The following SPAG16 variants were observed in gnomAD, a reference collection of about 807,000 sequenced individuals.
SPAG16 encodes sperm associated antigen 16.
SPAG16 carries 86 observed loss-of-function variants against 80.4 expected under a neutral mutation model. That is an observed-to-expected ratio of 1.07 (90% confidence interval 0.90 to 1.28). SPAG16 has a LOEUF of 1.28. SPAG16 is among the 50% of genes most tolerant of loss of function. SPAG16 has a pLI of 0.00. For synonymous variants in SPAG16, 294 were observed against 265.9 expected, an observed-to-expected ratio of 1.11 and a Z score of -1.03; for missense variants, 870 against 765.3, an observed-to-expected ratio of 1.14 and a Z score of -1.61.
At chr2:214,335,482 A>G (rs1034366283) in intron 15 of SPAG16, among the ~76,000 whole-genome samples, 5 of 151,504 alleles carry the variant, frequency 3.3e-5, no homozygotes, top group African/African-American at 1.2e-4. Context: ...ATATATATAT[A>G]TAGATATATA....
At chr2:213,605,346 A>G (rs1420420644) in intron 10 of SPAG16, among the ~76,000 whole-genome samples, 4 of 149,814 alleles carry the variant, frequency 2.7e-5, no homozygotes, top group Non-Finnish European at 5.9e-5. Context: ...AGCTCACTGC[A>G]GGCTCTGCCT....
At chr2:213,950,451 T>C (rs1409525182) in intron 12 of SPAG16, among the ~76,000 whole-genome samples, 1 of 152,004 alleles carries the variant, frequency 6.6e-6, no homozygotes, top group East Asian at 1.9e-4. Context: ...CTTCTTTGAT[T>C]GTTTCAGTTG....
chr2:213,388,810 A>G (rs1212518567), intron 9 of SPAG16, among the ~76,000 whole-genome samples: 4 of 152,242 alleles, frequency 2.6e-5, no homozygotes, highest in Admixed American at 2.0e-4. Flanking sequence ...AAGCTAAAAA[A>G]CATTGCTGAG....
intron 10 of SPAG16, among the ~76,000 whole-genome samples, chr2:213,646,397 T>C (rs1431939215): frequency 6.6e-6 from 1 of 152,146 alleles, no homozygotes; most frequent in Non-Finnish European, 1.5e-5. Flanking sequence ...CAACAATATA[T>C]AAATAAATGC....
intron 10 of SPAG16, among the ~76,000 whole-genome samples, chr2:213,804,359 A>ATCCTT: frequency 6.6e-6 from 1 of 152,300 alleles, no homozygotes; most frequent in South Asian, 2.1e-4. Context: ...AAGGATGGGC[A>ATCCTT]AGGGGTAAGT....
intron 5 of SPAG16, among the ~76,000 whole-genome samples, chr2:213,333,525 A>T (rs1289558535): frequency 6.6e-6 from 1 of 152,222 alleles, no homozygotes; most frequent in Non-Finnish European, 1.5e-5. Context: ...GTAGAATCAC[A>T]AAAGATCCAG....
At chr2:213,552,638 T>C (rs2076815373) in intron 10 of SPAG16, among the ~76,000 whole-genome samples, 1 of 152,216 alleles carries the variant, frequency 6.6e-6, no homozygotes, top group South Asian at 2.1e-4. Context: ...TTGTGATGTT[T>C]AATATTGAGT....
intron 15 of SPAG16, among the ~76,000 whole-genome samples, chr2:214,351,792 A>C (rs1698431985): frequency 6.6e-6 from 1 of 151,002 alleles, no homozygotes; most frequent in African/African-American, 2.4e-5. Context: ...TTTAGTTTTT[A>C]GATTTTTTAA....
At chr2:214,065,197 T>C (rs970376590) in intron 13 of SPAG16, among the ~76,000 whole-genome samples, 2 of 152,074 alleles carry the variant, frequency 1.3e-5, no homozygotes, top group African/African-American at 4.8e-5. Flanking sequence ...GTTAGTTTCA[T>C]TCTAAAACTG....
chr2:214,323,888 T>C (rs958826558), intron 15 of SPAG16, among the ~76,000 whole-genome samples: 1 of 152,242 alleles, frequency 6.6e-6, no homozygotes, highest in Non-Finnish European at 1.5e-5. Flanking sequence ...AGAAACATTA[T>C]ATGTAAAGAA....
At chr2:213,768,676 G>T (rs972762564) in intron 10 of SPAG16, among the ~76,000 whole-genome samples, 4 of 152,172 alleles carry the variant, frequency 2.6e-5, no homozygotes, top group Admixed American at 2.0e-4. Flanking sequence ...TGTTGAATTT[G>T]CAATGTTTGT....
chr2:213,971,653 A>G (rs573327545), intron 12 of SPAG16, among the ~76,000 whole-genome samples: 17 of 152,292 alleles, frequency 1.1e-4, no homozygotes, highest in African/African-American at 3.4e-4. Flanking sequence ...TAAGCATACA[A>G]TTACCATATG....
At chr2:213,370,887 CA>C (rs1283430795) in intron 8 of SPAG16, among the ~76,000 whole-genome samples, 7 of 152,180 alleles carry the variant, frequency 4.6e-5, no homozygotes, top group Non-Finnish European at 1.0e-4. Context: ...TCTGACCCAA[CA>C]TGGGGAAATA....
chr2:214,020,971 CT>C (rs1294928722), intron 13 of SPAG16, among the ~76,000 whole-genome samples: 2 of 151,954 alleles, frequency 1.3e-5, no homozygotes, highest in South Asian at 2.1e-4. Flanking sequence ...AAAATGGTGC[CT>C]TTTTTGTTTA....
intron 13 of SPAG16, among the ~76,000 whole-genome samples, chr2:214,104,755 A>G (rs1030394191): frequency 6.6e-6 from 1 of 152,144 alleles, no homozygotes; most frequent in African/African-American, 2.4e-5. Context: ...TGCATCAGAC[A>G]GGTCACCAGC....
intron 10 of SPAG16, among the ~76,000 whole-genome samples, chr2:213,491,371 C>T (rs531982844): frequency 6.6e-6 from 1 of 152,202 alleles, no homozygotes. Context: ...AAAATAAGAA[C>T]TTCAGACAAC....
intron 12 of SPAG16, among the ~76,000 whole-genome samples, chr2:213,981,905 A>T (rs1301262189): frequency 6.7e-6 from 1 of 149,466 alleles, no homozygotes; most frequent in African/African-American, 2.6e-5. Flanking sequence ...TTGGATTAAA[A>T]TTCTAGTTTC....
intron 12 of SPAG16, among the ~76,000 whole-genome samples, chr2:214,010,062 G>A (rs1300535900): frequency 1.7e-5 from 2 of 119,130 alleles, no homozygotes; most frequent in Admixed American, 1.5e-4. Flanking sequence ...TTACTGAAAT[G>A]CTATATTTTA....
At chr2:214,080,806 T>C (rs984507352) in intron 13 of SPAG16, among the ~76,000 whole-genome samples, 1 of 152,062 alleles carries the variant, frequency 6.6e-6, no homozygotes, top group African/African-American at 2.4e-5. Flanking sequence ...TTAACACCTG[T>C]TTTTGTAATT....
Sources: allele counts gnomAD v4.1 joint callset (sites outside exome capture counted in the v4.1 genomes callset), GRCh38; gene constraint gnomAD v4.1.1; transcripts MANE v1.5; gene names NCBI Gene and HGNC (gene_info 2026-07-23, HGNC 2026-07-21).